Variants in MARCHF7 observed in about 807,000 individuals in gnomAD.
The protein encoded by MARCHF7 is membrane associated ring-CH-type finger 7.
Under a neutral mutation model 76.5 loss-of-function variants are expected in MARCHF7, and 20 were observed. That is an observed-to-expected ratio of 0.26 (90% CI 0.18 to 0.38). The LOEUF (loss-of-function observed/expected upper bound fraction) is 0.38, where lower values mean the gene tolerates loss of function less well. Among genes scored for constraint, MARCHF7 ranks in the 10% least tolerant of loss-of-function variants. MARCHF7 has a pLI of 1.00. For missense variants in MARCHF7, 797 were observed against 812.9 expected, an observed-to-expected ratio of 0.98 and a Z score of 0.24; for synonymous variants, 295 against 293.0, an observed-to-expected ratio of 1.01 and a Z score of -0.07.
intron 5 of MARCHF7, among the ~76,000 whole-genome samples, chr2:159,745,359 G>A (rs5002908): frequency 0.85 from 128,625 of 152,172 alleles, 54,544 homozygotes; most frequent in Middle Eastern, 0.95. Context: ...GGATTCTCAT[G>A]ATAAACAACA....
intron 3 of MARCHF7, among the ~76,000 whole-genome samples, chr2:159,726,953 C>G (rs572085385): frequency 6.6e-6 from 1 of 152,200 alleles, no homozygotes; most frequent in African/African-American, 2.4e-5. Context: ...GATTTGCTGC[C>G]TAGAAACAAT....
intron 1 of MARCHF7, among the ~76,000 whole-genome samples, chr2:159,713,668 A>G (rs1486406908): frequency 2.6e-5 from 4 of 152,208 alleles, no homozygotes. Flanking sequence ...TTGAGGTAGC[A>G]AAAAGTTTGT....
Position 159,762,992 on chromosome 2 carries a change from G to C in MARCHF7, c.2006G>C (p.Arg669Pro). ...GNTNEPSTRVRFINLARTLQA... is the reference protein window; with the variant it reads ...GNTNEPSTRVPFINLARTLQA... ...ACAAATGAACCAAGCACACGTGTCC[G>C]AGTAAGTAATAATGAAGTTGGGGAG... Residue 669 changes from arginine to proline, a missense_variant and splice_region_variant, in exon 10 of 12, where the codon CGA (arginine) becomes CCA (proline). This residue lies in a region of MARCHF7 where 124 missense variants were observed against 121.3 expected (regional missense o/e 1.02). Transcript: ENST00000409175. 2 of 1,605,528 alleles carry C rather than the reference G, an allele frequency of 1.2e-6. No individual in the cohort carries two copies. Among genetic ancestry groups the C allele is most frequent in the Non-Finnish European group, 1.7e-6 (2 of 1,174,778 alleles).
intron 1 of MARCHF7, among the ~76,000 whole-genome samples, chr2:159,713,113 C>T (rs1700455427): frequency 2.0e-5 from 3 of 152,214 alleles, no homozygotes; most frequent in Non-Finnish European, 4.4e-5. Context: ...TCGGTAGCCC[C>T]TTAGATTCGG....
intron 6 of MARCHF7, among the ~76,000 whole-genome samples, chr2:159,747,023 C>T (rs1704983327): frequency 1.3e-5 from 2 of 152,140 alleles, no homozygotes; most frequent in African/African-American, 4.8e-5. Flanking sequence ...TTTCATAAAG[C>T]TCCATATATC....
chr2:159,759,968 G>C (rs1706827283), intron 9 of MARCHF7, among the ~76,000 whole-genome samples: 1 of 152,090 alleles, frequency 6.6e-6, no homozygotes, highest in Non-Finnish European at 1.5e-5. Flanking sequence ...TAAATGTAGG[G>C]GTAATGGGCC....
rs368850228 is a variant in MARCHF7, at chr2:159,748,626, A to G, written c.1336A>G (p.Asn446Asp). The part of the protein sequence containing the change: ...AQNDPLGAAA[N>D]RPQASAASSS... ...GAATGATCCTCTTGGAGCTGCTGCC[A>G]ACAGACCACAAGCATCTGCAGCATC... Residue 446 changes from asparagine (N) to aspartate (D), a missense_variant, in exon 7 of 12, where the codon AAC becomes GAC. Coordinates refer to ENST00000409175, the MANE Select transcript of MARCHF7 (RefSeq NM_001282805.2). The G allele has an allele frequency of 1.7e-5, 27 of 1,614,116 alleles. No homozygotes were observed. The African/African-American group carries it at 3.5e-4, about 21-fold the overall frequency.
intron 4 of MARCHF7, chr2:159,733,661 CAG>C (rs890426340): frequency 1.0e-4 from 101 of 985,022 alleles, no homozygotes; most frequent in Admixed American, 1.2e-4. Context: ...AAAAGAGGGT[CAG>C]GGGGTAGGAC....
intron 3 of MARCHF7, among the ~76,000 whole-genome samples, chr2:159,723,151 T>C (rs1230825780): frequency 2.0e-5 from 3 of 152,246 alleles, no homozygotes; most frequent in Admixed American, 6.5e-5. Context: ...GCTTTTGCAT[T>C]GTCACTGTTT....
intron 3 of MARCHF7, among the ~76,000 whole-genome samples, chr2:159,718,927 C>T (rs1701321663): frequency 6.6e-6 from 1 of 152,090 alleles, no homozygotes; most frequent in African/African-American, 2.4e-5. Flanking sequence ...ATACCGTCAG[C>T]CACACTGCTC....
chr2:159,718,506 TAATG>T (rs1701284929), intron 3 of MARCHF7, among the ~76,000 whole-genome samples: 1 of 152,084 alleles, frequency 6.6e-6, no homozygotes, highest in Non-Finnish European at 1.5e-5. Flanking sequence ...ATTATTGTAA[TAATG>T]GGACACAGTG....
At chr2:159,746,839 G>A (rs1289721533) in intron 6 of MARCHF7, among the ~76,000 whole-genome samples, 1 of 152,158 alleles carries the variant, frequency 6.6e-6, no homozygotes, top group Non-Finnish European at 1.5e-5. Context: ...TGTTTTTAAA[G>A]GTTTAGGTTA....
At chr2:159,732,956 A>G (rs1220543924) in intron 4 of MARCHF7, 1 of 982,346 alleles carries the variant, frequency 1.0e-6, no homozygotes, top group East Asian at 1.1e-4. Context: ...GTTAAGATTA[A>G]TTGAAAGAAA....
At chr2:159,764,255 T>TGTGTGTGTGTGTGTGTGTGTGCGCGCGC (rs10592175) in intron 10 of MARCHF7, among the ~76,000 whole-genome samples, 1 of 131,370 alleles carries the variant, frequency 7.6e-6, no homozygotes, top group African/African-American at 3.0e-5. Context: ...TGTGTGTGTG[T>TGTGTGTGTGTGTGTGTGTGTGCGCGCGC]GCGCGCGCCC....
chr2:159,768,751 A>G lies in MARCHF7; in HGVS notation c.*1409A>G, dbSNP rs1708032479. 1 of 152,382 alleles carries G rather than the reference A, an allele frequency of 6.6e-6. No homozygotes were observed. The highest frequency in any genetic ancestry group is 1.5e-5 in the Non-Finnish European group (1 of 68,014). The allele number at this position is 152,382 out of a possible 1,614,324, so 9.4% of individuals were successfully genotyped here. A position where few individuals can be genotyped will look rare whatever the true frequency, so the allele number is the denominator to read the frequency against. ...TTGTCTGTCTTAAAGCAAAAATATAAAATTTAAGGGTGGTAGTTTTAATAT... is the reference window on the plus strand; with the variant it reads ...TTGTCTGTCTTAAAGCAAAAATATAGAATTTAAGGGTGGTAGTTTTAATAT... On this transcript the variant is annotated 3_prime_UTR_variant, in exon 12 of 12. Transcript: ENST00000409175.
chr2:159,756,496 G>A (rs1706312685), intron 8 of MARCHF7, among the ~76,000 whole-genome samples: 1 of 151,928 alleles, frequency 6.6e-6, no homozygotes, highest in African/African-American at 2.4e-5. Context: ...AGACCAGCCT[G>A]GCCAACATGG....
chr2:159,767,381 GT>G lies in MARCHF7; in HGVS notation c.*42del, dbSNP rs1035891405. ...AGATGGATGATCTGTGAACATAAGT[GT>G]TTATTAAAAATGGCAATTAAATATA... On this transcript the variant is annotated 3_prime_UTR_variant, in exon 12 of 12. Transcript: ENST00000409175. 1 of 1,490,332 alleles carries G rather than the reference GT, an allele frequency of 6.7e-7. No homozygotes were observed. Among genetic ancestry groups the G allele is most frequent in the African/African-American group, 1.4e-5 (1 of 71,524 alleles). 92.3% of individuals were successfully genotyped at this position (1,490,332 alleles called of 1,614,324 possible).
intron 3 of MARCHF7, among the ~76,000 whole-genome samples, chr2:159,723,963 G>A (rs528253084): frequency 6.6e-6 from 1 of 152,100 alleles, no homozygotes; most frequent in Non-Finnish European, 1.5e-5. Flanking sequence ...TTTCTGCATA[G>A]CATCCCCCTT....
intron 7 of MARCHF7, 74 bp downstream of exon 7, chr2:159,748,977 T>G (rs901012298): frequency 1.5e-6 from 1 of 677,906 alleles, no homozygotes. Flanking sequence ...TTTTTTCTTT[T>G]CTTTTTTTTT....
Sources: allele counts gnomAD v4.1 joint callset (sites outside exome capture counted in the v4.1 genomes callset), GRCh38; gene constraint gnomAD v4.1.1; regional missense constraint gnomAD v4.1.1; transcripts MANE v1.5; gene names NCBI Gene and HGNC (gene_info 2026-07-23, HGNC 2026-07-21).